The following SH3D19 variants were observed in gnomAD, a reference collection of about 807,000 sequenced individuals.
SH3D19 encodes the protein SH3 domain-containing protein 19.
SH3D19 carries 58 observed loss-of-function variants against 112.1 expected under a neutral mutation model. The observed-to-expected ratio is 0.52, with a 90% CI of 0.42 to 0.64. The LOEUF (loss-of-function observed/expected upper bound fraction) is 0.64. Ranked by LOEUF, SH3D19 falls within the 30% of genes least tolerant of loss-of-function variation. The probability of loss-of-function intolerance (pLI) is 0.00; values close to 1 mark genes in which losing one functional copy is unlikely to be tolerated. For synonymous variants in SH3D19, 391 were observed against 448.5 expected (o/e 0.87, Z 1.62); for missense variants, 1,090 against 1,263.4 (o/e 0.86, Z 2.08).
chr4:151,141,481 C>CA (rs1301975541), intron 12 of SH3D19, among the ~76,000 whole-genome samples: 1 of 151,760 alleles, frequency 6.6e-6, no homozygotes, highest in Non-Finnish European at 1.5e-5. Flanking sequence ...GCCATATCTA[C>CA]AAAAAAATAA....
chr4:151,249,337 T>A (rs1771184849), intron 1 of SH3D19, among the ~76,000 whole-genome samples: 1 of 152,238 alleles, frequency 6.6e-6, no homozygotes, highest in Non-Finnish European at 1.5e-5. Flanking sequence ...GTGAAAGAAG[T>A]ATTAGAAAGT....
intron 1 of SH3D19, among the ~76,000 whole-genome samples, chr4:151,257,695 T>C (rs914553998): frequency 2.0e-5 from 3 of 151,858 alleles, no homozygotes; most frequent in Admixed American, 6.6e-5. Flanking sequence ...GGAGGGAGGA[T>C]TGCTTGAGTC....
At chr4:151,237,219 G>T (rs1247448295) in intron 1 of SH3D19, among the ~76,000 whole-genome samples, 1 of 152,156 alleles carries the variant, frequency 6.6e-6, no homozygotes, top group Non-Finnish European at 1.5e-5. Context: ...CACCGCGAGG[G>T]TCTGTGGCTT....
chr4:151,176,293 A>C (rs115072241), intron 6 of SH3D19, among the ~76,000 whole-genome samples: 401 of 152,324 alleles, frequency 2.6e-3, no homozygotes, highest in Non-Finnish European at 4.0e-3. Flanking sequence ...AATTATACGG[A>C]TAATGTTTTT....
At chr4:151,150,021 T>C (rs1296382931) in intron 9 of SH3D19, among the ~76,000 whole-genome samples, 2 of 150,558 alleles carry the variant, frequency 1.3e-5, no homozygotes, top group African/African-American at 4.9e-5. Context: ...CCATCTCTAC[T>C]AAAAATACAA....
At chr4:151,207,880 ATG>A (rs1172470247) in intron 2 of SH3D19, among the ~76,000 whole-genome samples, 1 of 152,200 alleles carries the variant, frequency 6.6e-6, no homozygotes, top group Non-Finnish European at 1.5e-5. Flanking sequence ...TCAAACTGAT[ATG>A]TCAGAAAGAA....
At chr4:151,297,946 A>C (rs1775814043) in intron 1 of SH3D19, among the ~76,000 whole-genome samples, 1 of 152,202 alleles carries the variant, frequency 6.6e-6, no homozygotes. Flanking sequence ...AGTATGCAGA[A>C]GACAGAAGGA....
chr4:151,122,475 A>G (rs1579579961), intron 19 of SH3D19, among the ~76,000 whole-genome samples: 2 of 150,936 alleles, frequency 1.3e-5, no homozygotes, highest in African/African-American at 4.9e-5. Flanking sequence ...CACCACTCCT[A>G]ATCTAAAATC....
intron 2 of SH3D19, among the ~76,000 whole-genome samples, chr4:151,221,306 C>T (rs914834191): frequency 6.7e-6 from 1 of 148,854 alleles, no homozygotes; most frequent in African/African-American, 2.5e-5. Context: ...AACCGAAAAA[C>T]ATACCAAAAT....
chr4:151,250,433 T>C (rs1265324355), intron 1 of SH3D19, among the ~76,000 whole-genome samples: 1 of 152,132 alleles, frequency 6.6e-6, no homozygotes, highest in East Asian at 1.9e-4. Context: ...TTTATATATA[T>C]GTGTGTGTAT....
At chr4:151,235,019 G>C (rs1362881964) in intron 1 of SH3D19, among the ~76,000 whole-genome samples, 2 of 152,046 alleles carry the variant, frequency 1.3e-5, no homozygotes, top group Non-Finnish European at 2.9e-5. Flanking sequence ...CAAACTGCTG[G>C]GATTACAGGC....
intron 2 of SH3D19, among the ~76,000 whole-genome samples, chr4:151,193,857 G>A (rs1369523998): frequency 1.3e-5 from 2 of 151,990 alleles, no homozygotes; most frequent in Non-Finnish European, 2.9e-5. Context: ...AGGAACCAAG[G>A]AATTAATAAC....
rs558532564 is a variant in SH3D19, at chr4:151,185,272, G to C, written c.193+2151C>G. 2.0e-5 allele frequency among the ~76,000 whole-genome samples: 3 copies of C among 152,082 alleles called. No homozygotes were observed. In the East Asian group the frequency reaches 5.8e-4, roughly 29 times the overall value. On this transcript the variant is annotated intron_variant, in intron 3 of 19. Transcript: ENST00000604030. ...CAGTGAAAGGAGGCCTTTCACAGCA[G>C]GGCTGGGTTCATTGGGTCATGCATT...
At chr4:151,212,533 C>G (rs1329227599) in intron 2 of SH3D19, among the ~76,000 whole-genome samples, 1 of 152,236 alleles carries the variant, frequency 6.6e-6, no homozygotes, top group Non-Finnish European at 1.5e-5. Context: ...TAGATGACAG[C>G]ATATCTGTTT....
intron 1 of SH3D19, among the ~76,000 whole-genome samples, chr4:151,257,525 C>T (rs952448431): frequency 6.6e-6 from 1 of 152,126 alleles, no homozygotes; most frequent in Admixed American, 6.5e-5. Flanking sequence ...AGGCACTGGG[C>T]CTGGAATATT....
chr4:151,166,828 T>C (rs2149809672), intron 7 of SH3D19, among the ~76,000 whole-genome samples: 1 of 152,316 alleles, frequency 6.6e-6, no homozygotes, highest in East Asian at 1.9e-4. Context: ...TAAAAGCCCT[T>C]TTGGCAATCT....
chr4:151,225,655 G>A (rs1019218645), intron 2 of SH3D19, among the ~76,000 whole-genome samples: 2 of 152,016 alleles, frequency 1.3e-5, no homozygotes, highest in African/African-American at 2.4e-5. Context: ...TTCATGCTTT[G>A]TATTTTTAAA....
chr4:151,236,618 C>T (rs1051052451), intron 1 of SH3D19, among the ~76,000 whole-genome samples: 13 of 151,392 alleles, frequency 8.6e-5, no homozygotes, highest in African/African-American at 3.2e-4. Flanking sequence ...TCTAGCTAAT[C>T]TGGTGGGGAC....
At chr4:151,319,292 C>T (rs932591611) in intron 1 of SH3D19, among the ~76,000 whole-genome samples, 1 of 152,218 alleles carries the variant, frequency 6.6e-6, no homozygotes, top group Non-Finnish European at 1.5e-5. Flanking sequence ...TCAGGTAGTC[C>T]ACCCGCATTG....
Sources: allele counts gnomAD v4.1 joint callset (sites outside exome capture counted in the v4.1 genomes callset), GRCh38; gene constraint gnomAD v4.1.1; transcripts MANE v1.5; gene names NCBI Gene and HGNC (gene_info 2026-07-23, HGNC 2026-07-21).